Variants in GPR89B observed in about 807,000 individuals in gnomAD.
The protein encoded by GPR89B is G protein-coupled receptor 89B.
In GPR89B, 25 loss-of-function variants were observed where a neutral mutation model predicts 52.4. That is an observed-to-expected ratio of 0.48 (90% CI 0.35 to 0.67). GPR89B has a LOEUF of 0.67. Among genes scored for constraint, GPR89B ranks in the 30% least tolerant of loss-of-function variants. The probability of loss-of-function intolerance (pLI) is 0.01; values close to 1 mark genes in which losing one functional copy is unlikely to be tolerated. For synonymous variants in GPR89B, 52 were observed against 151.2 expected (o/e 0.34, Z 4.81); for missense variants, 146 against 450.2 (o/e 0.32, Z 6.11).
At chr1:147,961,781 G>T (rs2149068494) in intron 7 of GPR89B, among the ~76,000 whole-genome samples, 2 of 152,142 alleles carry the variant, frequency 1.3e-5, no homozygotes, top group South Asian at 4.1e-4. Context: ...TATAGGACTT[G>T]TTTGCTGAAA....
chr1:147,990,504 T>C, intron 12 of GPR89B, among the ~76,000 whole-genome samples: 1 of 152,178 alleles, frequency 6.6e-6, no homozygotes. Flanking sequence ...TTTGGTGTTT[T>C]AGACATGAAG....
intron 12 of GPR89B, among the ~76,000 whole-genome samples, chr1:147,989,576 C>A (rs1437278922): frequency 6.6e-6 from 1 of 151,854 alleles, no homozygotes; most frequent in African/African-American, 2.4e-5. Flanking sequence ...TGCTGTCCCT[C>A]CCCCCTTCCC....
the GPR89B span, among the ~76,000 whole-genome samples, chr1:148,015,124 G>A: frequency 2.0e-5 from 3 of 151,142 alleles, no homozygotes; most frequent in African/African-American, 4.9e-5. Context: ...GTTCAAGCTC[G>A]TTCTACTGAG....
the GPR89B span, among the ~76,000 whole-genome samples, chr1:148,019,704 C>T: frequency 2.6e-5 from 4 of 151,944 alleles, no homozygotes; most frequent in African/African-American, 4.8e-5. Context: ...CATGAATATC[C>T]GACAAAAGTA....
intron 10 of GPR89B, among the ~76,000 whole-genome samples, chr1:147,975,335 A>G (rs1314155023): frequency 7.0e-6 from 1 of 142,600 alleles, no homozygotes; most frequent in African/African-American, 2.6e-5. Flanking sequence ...TTACTGCCCC[A>G]AATCAGAACT....
At chr1:148,021,190 G>A in the GPR89B span, among the ~76,000 whole-genome samples, 36 of 151,584 alleles carry the variant, frequency 2.4e-4, no homozygotes, top group South Asian at 2.1e-4. Context: ...CACATCTCGC[G>A]ATGGAGTGCG....
At chr1:147,968,470 G>A (rs1571288381) in intron 8 of GPR89B, 1 of 397,614 alleles carries the variant, frequency 2.5e-6, no homozygotes, top group South Asian at 1.8e-5. Flanking sequence ...ACACAGTAAA[G>A]TATTAGTTCC....
At chr1:148,012,495 C>A in the GPR89B span, among the ~76,000 whole-genome samples, 3 of 122,130 alleles carry the variant, frequency 2.5e-5, no homozygotes, top group East Asian at 5.8e-4. Context: ...CCCCTCCCCG[C>A]CCCACTCCCC....
At chr1:148,000,790 A>C in the GPR89B span, among the ~76,000 whole-genome samples, 4 of 146,758 alleles carry the variant, frequency 2.7e-5, no homozygotes, top group South Asian at 2.1e-4. Context: ...AAAAAAAAAA[A>C]AAAAACAACA....
the GPR89B span, chr1:148,005,512 G>C: frequency 1.9e-6 from 3 of 1,605,902 alleles, no homozygotes; most frequent in Non-Finnish European, 2.5e-6. Context: ...CTTTTTACCT[G>C]GAAGAGAGTA....
chr1:147,970,491 A>ATCTCTCTCTCTCTCTC (rs1174595676), intron 10 of GPR89B, among the ~76,000 whole-genome samples: 106 of 105,772 alleles, frequency 1.0e-3, no homozygotes, highest in East Asian at 3.6e-3. Context: ...GTGAGACTCC[A>ATCTCTCTCTCTCTCTC]TCTCTCTCTC....
the GPR89B span, among the ~76,000 whole-genome samples, chr1:148,021,600 G>C: frequency 1.3e-5 from 2 of 151,662 alleles, no homozygotes; most frequent in African/African-American, 2.4e-5. Context: ...GTGCAGATGA[G>C]GGGAGCTGCG....
chr1:147,972,813 C>A (rs1219708299), intron 10 of GPR89B, among the ~76,000 whole-genome samples: 2 of 148,882 alleles, frequency 1.3e-5, no homozygotes, highest in Admixed American at 6.6e-5. Flanking sequence ...TCTCCCTCCC[C>A]CTCCCCGCCT....
At chr1:147,941,347 C>T (rs1162316851) in intron 3 of GPR89B, among the ~76,000 whole-genome samples, 1 of 152,230 alleles carries the variant, frequency 6.6e-6, no homozygotes, top group African/African-American at 2.4e-5. Context: ...AGAAGCTTAG[C>T]TGAAATACTA....
At chr1:147,934,522 A>G (rs1285845336) in intron 1 of GPR89B, among the ~76,000 whole-genome samples, 1 of 152,142 alleles carries the variant, frequency 6.6e-6, no homozygotes, top group Non-Finnish European at 1.5e-5. Context: ...GGGGTGGTGG[A>G]AACCTTTGAC....
rs1657230102 is a variant in GPR89B, at chr1:147,968,953, A to G, written c.806A>G (p.Tyr269Cys). The change falls in exon 9 of 14, where the codon TAT becomes TGT. Residue 269 changes from tyrosine to cysteine, a missense_variant. Tyr to Cys is a radical substitution (Grantham distance 194). Transcript: ENST00000314163. ...RQLFLETADL[Y>C]ATKERIEYSK... The stretch of plus-strand genomic sequence containing the variant: ...CTTTTTCTGGAAACAGCTGATCTAT[A>G]TGCTACCAAGGTACAGAGCAAGGAA... 17 of 1,606,858 alleles carry G rather than the reference A, an allele frequency of 1.1e-5. No individual in the cohort carries two copies. Among genetic ancestry groups the G allele is most frequent in the Non-Finnish European group, 1.4e-5 (16 of 1,175,186 alleles).
At chr1:148,019,363 C>A in the GPR89B span, among the ~76,000 whole-genome samples, 1 of 149,992 alleles carries the variant, frequency 6.7e-6, no homozygotes, top group African/African-American at 2.5e-5. Context: ...GAGCTGAATG[C>A]GAGAACACAT....
the GPR89B span, among the ~76,000 whole-genome samples, chr1:148,000,829 G>T: frequency 6.8e-6 from 1 of 148,108 alleles, no homozygotes; most frequent in Non-Finnish European, 1.5e-5. Flanking sequence ...ATGCAGTAGT[G>T]GGTGTTATGA....
chr1:147,957,941 G>A, intron 7 of GPR89B, among the ~76,000 whole-genome samples: 1 of 151,328 alleles, frequency 6.6e-6, no homozygotes, highest in Non-Finnish European at 1.5e-5. Context: ...GTGGGCGCCT[G>A]TAGTCCCAGC....
Sources: allele counts gnomAD v4.1 joint callset (sites outside exome capture counted in the v4.1 genomes callset), GRCh38; gene constraint gnomAD v4.1.1; transcripts MANE v1.5; gene names NCBI Gene and HGNC (gene_info 2026-07-23, HGNC 2026-07-21).